Variants in CUBN observed in about 807,000 individuals in gnomAD.
CUBN encodes the protein 460 kDa receptor.
CUBN carries 282 observed loss-of-function variants against 405.3 expected under a neutral mutation model. That is an observed-to-expected ratio of 0.70 (90% CI 0.63 to 0.77). CUBN has a LOEUF of 0.77. Among genes scored for constraint, CUBN ranks in the 30% least tolerant of loss-of-function variants. The pLI, the probability that CUBN is intolerant of heterozygous loss-of-function variation, is 0.00. For missense variants in CUBN, 4,514 were observed against 4,475.2 expected (o/e 1.01, Z -0.25); for synonymous variants, 1,684 against 1,617.0 (o/e 1.04, Z -0.99).
At chr10:17,068,310 G>T (rs773772654) in intron 20 of CUBN, 30 bp from the exon 21 acceptor site, 2 of 1,596,728 alleles carry the variant, frequency 1.3e-6, no homozygotes, top group South Asian at 1.1e-5. Flanking sequence ...AATTACTGCA[G>T]CAAGTAACCA....
chr10:16,983,980 T>G (rs564275367), intron 30 of CUBN, 125 bp downstream of exon 30: 1 of 1,030,640 alleles, frequency 9.7e-7, no homozygotes, highest in Admixed American at 1.7e-5. Flanking sequence ...CAGGTCTCAG[T>G]AGGCTGCCCT....
chr10:16,856,761 A>G (rs1250293834), intron 59 of CUBN, among the ~76,000 whole-genome samples: 1 of 152,204 alleles, frequency 6.6e-6, no homozygotes, highest in Non-Finnish European at 1.5e-5. Context: ...GTACGAGCAG[A>G]TACAGACTGG....
intron 4 of CUBN, among the ~76,000 whole-genome samples, chr10:17,125,061 A>G (rs1837142522): frequency 6.7e-6 from 1 of 149,332 alleles, no homozygotes; most frequent in Non-Finnish European, 1.5e-5. Context: ...CAAACTCCCG[A>G]CCTCACATGA....
Position 16,913,958 on chromosome 10 carries a change from T to C in CUBN, c.7386A>G (p.Thr2462=), listed in dbSNP as rs1246893897. Residue 2462 remains threonine (T), a synonymous_variant, in exon 48 of 67, where the codon ACA becomes ACG. Transcript: ENST00000377833. The part of the protein sequence containing the change: ...CGGDLQGSIG[T]FTSPNYPNPN... ...GGTTCGGGTAGTTGGGAGAAGTAAA[T>C]GTTCCAATAGAGCCCTGAAGATCCC... 3 of 1,613,908 alleles carry C rather than the reference T, an allele frequency of 1.9e-6. No individual in the cohort carries two copies. The highest frequency in any genetic ancestry group is 2.5e-6 in the Non-Finnish European group (3 of 1,180,002).
At chr10:17,105,853 T>C (rs1468845695) in intron 10 of CUBN, among the ~76,000 whole-genome samples, 1 of 152,274 alleles carries the variant, frequency 6.6e-6, no homozygotes, top group Non-Finnish European at 1.5e-5. Flanking sequence ...GGTCCTGAGC[T>C]GTGCACAAAG....
intron 27 of CUBN, among the ~76,000 whole-genome samples, chr10:17,027,290 T>C (rs1197768404): frequency 1.3e-5 from 2 of 152,154 alleles, no homozygotes; most frequent in Non-Finnish European, 2.9e-5. Flanking sequence ...CAGGAATTGG[T>C]GGCTGTATTG....
chr10:16,843,156 G>A (rs571863164), intron 60 of CUBN, among the ~76,000 whole-genome samples: 5 of 152,276 alleles, frequency 3.3e-5, no homozygotes, highest in Non-Finnish European at 5.9e-5. Context: ...CTGTGGTGTC[G>A]CCAGCACCCA....
At chr10:16,840,076 GAAGAGGGGA>G (rs1254875952) in intron 62 of CUBN, among the ~76,000 whole-genome samples, 1 of 103,400 alleles carries the variant, frequency 9.7e-6, no homozygotes, top group African/African-American at 3.9e-5. Context: ...TGGGGTGGGG[GAAGAGGGGA>G]GGGGGGAGGG....
Position 16,920,012 on chromosome 10 carries a change from G to C in CUBN, c.6772C>G (p.Arg2258Gly). The part of the protein sequence containing the change: ...IWILAAPPET[R>G]IQLQFEDRFD... The stretch of plus-strand genomic sequence containing the variant: ...CGATCTTCAAATTGCAGCTGTATGC[G>C]TGTTTCCGGTGGAGCCGCTAAGATC... Residue 2258 changes from arginine (R) to glycine (G), a missense_variant, in exon 44 of 67, where the codon CGC becomes GGC. Transcript: ENST00000377833. 3.7e-6 allele frequency: 6 copies of C among 1,613,946 alleles called. No homozygotes were observed. Among genetic ancestry groups the C allele is most frequent in the Non-Finnish European group, 5.1e-6 (6 of 1,179,972 alleles).
chr10:16,935,657 A>C (rs1245910233), intron 39 of CUBN, among the ~76,000 whole-genome samples: 1 of 152,116 alleles, frequency 6.6e-6, no homozygotes, highest in Admixed American at 6.5e-5. Flanking sequence ...AGGTGGGCAG[A>C]TCATGAGGTC....
chr10:17,019,747 A>G, intron 28 of CUBN, 86 bp downstream of exon 28: 1 of 1,500,308 alleles, frequency 6.7e-7, no homozygotes, highest in Non-Finnish European at 9.3e-7. Context: ...TGTTCATGGT[A>G]TTGTTTCTAA....
At chr10:16,845,644 C>T (rs1839487139) in intron 60 of CUBN, among the ~76,000 whole-genome samples, 1 of 152,212 alleles carries the variant, frequency 6.6e-6, no homozygotes, top group Admixed American at 6.5e-5. Flanking sequence ...TTCTCTAGTT[C>T]TTGCAGCAAT....
At chr10:16,833,082 A>T (rs947850941) in intron 64 of CUBN, among the ~76,000 whole-genome samples, 3 of 152,198 alleles carry the variant, frequency 2.0e-5, no homozygotes, top group African/African-American at 7.2e-5. Flanking sequence ...TTTGCTTCCC[A>T]GCATCTATCA....
intron 27 of CUBN, among the ~76,000 whole-genome samples, chr10:17,035,854 G>A (rs944754225): frequency 6.6e-6 from 1 of 151,854 alleles, no homozygotes; most frequent in African/African-American, 2.4e-5. Context: ...AGGGTGGGAG[G>A]AGGGAGAGGA....
chr10:16,838,789 C>A (rs557073377), intron 62 of CUBN, among the ~76,000 whole-genome samples: 1 of 152,240 alleles, frequency 6.6e-6, no homozygotes, highest in South Asian at 2.1e-4. Flanking sequence ...GGATTACAAG[C>A]GCACACCACT....
intron 59 of CUBN, among the ~76,000 whole-genome samples, chr10:16,860,682 C>T (rs781637296): frequency 2.0e-5 from 3 of 152,210 alleles, no homozygotes; most frequent in Non-Finnish European, 2.9e-5. Context: ...AAGACATTGT[C>T]CAGAAACCTT....
chr10:16,967,048 A>G (rs1207309653), intron 31 of CUBN, among the ~76,000 whole-genome samples: 1 of 152,232 alleles, frequency 6.6e-6, no homozygotes, highest in African/African-American at 2.4e-5. Context: ...ACAAGCTGTT[A>G]CAGTCATAAA....
chr10:17,017,581 A>G lies in CUBN; in HGVS notation c.4168+2252T>C, dbSNP rs1006467497. 7.9e-5 allele frequency among the ~76,000 whole-genome samples: 12 copies of G among 152,184 alleles called. No homozygotes were observed. The East Asian group carries it at 2.3e-3, about 29-fold the overall frequency. ...CCTCACTTATATGAATAGGAAGGAT[A>G]CAATTTCTGATGCTACCCATATCCT... is the stretch of plus-strand genomic sequence containing the variant. On this transcript the variant is annotated intron_variant, in intron 28 of 66. Coordinates refer to ENST00000377833, the MANE Select transcript of CUBN (RefSeq NM_001081.4).
chr10:16,927,619 T>A (rs1842228735), intron 41 of CUBN, among the ~76,000 whole-genome samples: 1 of 152,226 alleles, frequency 6.6e-6, no homozygotes. Context: ...AGGCTGTTAC[T>A]GGACTTCACA....
Sources: allele counts gnomAD v4.1 joint callset (sites outside exome capture counted in the v4.1 genomes callset), GRCh38; gene constraint gnomAD v4.1.1; transcripts MANE v1.5; gene names NCBI Gene and HGNC (gene_info 2026-07-23, HGNC 2026-07-21).